CHMP2B: variants seen among roughly 807,000 people sequenced by gnomAD.
The protein encoded by CHMP2B is charged multivesicular body protein 2B.
CHMP2B carries 22 observed loss-of-function variants against 29.8 expected under a neutral mutation model. The ratio of observed to expected loss-of-function variants is 0.74; its 90% CI spans 0.53 to 1.05. CHMP2B has a LOEUF of 1.05. Ranked by LOEUF, CHMP2B falls within the 50% of genes least tolerant of loss-of-function variation. The pLI, the probability that CHMP2B is intolerant of heterozygous loss-of-function variation, is 0.00. For missense variants in CHMP2B, 261 were observed against 252.2 expected, an observed-to-expected ratio of 1.03 and a Z score of -0.24; for synonymous variants, 78 against 75.8, an observed-to-expected ratio of 1.03 and a Z score of -0.15.
intron 1 of CHMP2B, among the ~76,000 whole-genome samples, chr3:87,240,058 G>GGTGT (rs558691038): frequency 2.0e-5 from 3 of 150,088 alleles, no homozygotes; most frequent in Non-Finnish European, 4.5e-5. Flanking sequence ...ACATGAAAAG[G>GGTGT]GTGTGTGTGT....
chr3:87,227,501 C>T lies in CHMP2B; in HGVS notation c.-22C>T, dbSNP rs1226618188. ...TGGGCCGGACCGGGCCGAGCCGGGC[C>T]GCCCGGGCGCAGTCTTTAACCATGG... On this transcript the variant is annotated 5_prime_UTR_variant, in exon 1 of 6. Transcript: ENST00000263780. The T allele has an allele frequency of 1.2e-6, 2 of 1,613,998 alleles. No homozygotes were observed. The highest frequency in any genetic ancestry group is 1.7e-6 in the Non-Finnish European group (2 of 1,179,998).
rs953203889 is a variant in CHMP2B at position 87,227,515 on chromosome 3, C to T, written c.-8C>T. ...CCGAGCCGGGCCGCCCGGGCGCAGT[C>T]TTTAACCATGGCGTCCCTCTTCAAG... On this transcript the variant is annotated 5_prime_UTR_variant, in exon 1 of 6. Transcript: ENST00000263780. 1.2e-6 allele frequency: 2 copies of T among 1,614,076 alleles called. No homozygotes were observed. The highest frequency in any genetic ancestry group is 2.7e-5 in the African/African-American group (2 of 74,952).
chr3:87,240,675 A>G, intron 1 of CHMP2B, 24 bp from the exon 2 acceptor site: 1 of 1,477,178 alleles, frequency 6.8e-7, no homozygotes, highest in Non-Finnish European at 9.5e-7. Flanking sequence ...CCATAAATTT[A>G]GGTTTCTTTT....
intron 2 of CHMP2B, among the ~76,000 whole-genome samples, chr3:87,243,757 T>G (rs899528176): frequency 1.1e-4 from 17 of 152,250 alleles, no homozygotes; most frequent in African/African-American, 3.6e-4. Flanking sequence ...TACTAAATTT[T>G]AAAATATACT....
At chr3:87,245,976 A>G in intron 3 of CHMP2B, 68 bp downstream of exon 3, 2 of 1,368,948 alleles carry the variant, frequency 1.5e-6, no homozygotes, top group South Asian at 2.5e-5. Context: ...CAATATTGAA[A>G]GCAGATTTAA....
At chr3:87,245,494 C>G (rs1706194585) in intron 2 of CHMP2B, among the ~76,000 whole-genome samples, 1 of 147,974 alleles carries the variant, frequency 6.8e-6, no homozygotes, top group Non-Finnish European at 1.5e-5. Context: ...GCTTTGTATT[C>G]ATGGATGGAG....
chr3:87,232,062 AG>A (rs1483904440), intron 1 of CHMP2B, among the ~76,000 whole-genome samples: 28 of 152,204 alleles, frequency 1.8e-4, no homozygotes, highest in African/African-American at 6.0e-4. Context: ...TACTAACCAA[AG>A]TAGTATTCCA....
At chr3:87,235,290 A>C (rs1438402916) in intron 1 of CHMP2B, among the ~76,000 whole-genome samples, 1 of 152,220 alleles carries the variant, frequency 6.6e-6, no homozygotes, top group Admixed American at 6.5e-5. Flanking sequence ...TAGAAGACCA[A>C]ATTATTAAAT....
chr3:87,235,716 A>G (rs956239986), intron 1 of CHMP2B, among the ~76,000 whole-genome samples: 5 of 152,180 alleles, frequency 3.3e-5, no homozygotes, highest in African/African-American at 1.2e-4. Flanking sequence ...TCTGATTCTC[A>G]GACACCTATT....
At chr3:87,247,111 A>G (rs1195971732) in intron 3 of CHMP2B, among the ~76,000 whole-genome samples, 2 of 152,196 alleles carry the variant, frequency 1.3e-5, no homozygotes, top group East Asian at 1.9e-4. Flanking sequence ...CATAGTAGTT[A>G]TGTCCCATGA....
intron 1 of CHMP2B, among the ~76,000 whole-genome samples, chr3:87,236,799 G>A (rs1025108488): frequency 6.6e-5 from 10 of 151,910 alleles, no homozygotes; most frequent in Admixed American, 1.3e-4. Context: ...GAGGCGAACC[G>A]AGATCATGCT....
intron 1 of CHMP2B, among the ~76,000 whole-genome samples, chr3:87,230,784 C>T (rs1705894870): frequency 6.6e-6 from 1 of 152,136 alleles, no homozygotes; most frequent in Admixed American, 6.5e-5. Flanking sequence ...CCTTGCATGG[C>T]ATGCAATGAG....
chr3:87,229,139 A>G (rs3828364), intron 1 of CHMP2B, among the ~76,000 whole-genome samples: 87,801 of 151,836 alleles, frequency 0.58, 25,579 homozygotes, highest in African/African-American at 0.63. Context: ...ATACCTGTCA[A>G]ATATTTTCAA....
chr3:87,245,855 A>G lies in CHMP2B; in HGVS notation c.268A>G (p.Lys90Glu), dbSNP rs1706202120. ...AGTTACTTCTATGTCTACACAAACA[A>G]AAGTGATGAATTCCCAAATGAAGAT... ...SKVTSMSTQT[K>E]VMNSQMKMAG... Residue 90 changes from lysine (K) to glutamate (E), a missense_variant, in exon 3 of 6, where the codon AAA becomes GAA. By Grantham distance (56) the Lys-to-Glu change is moderately conservative (BLOSUM62 1). Transcript: ENST00000263780. 6.8e-6 allele frequency: 11 copies of G among 1,613,490 alleles called. No individual in the cohort carries two copies. The South Asian group carries it at 8.8e-5, about 13-fold the overall frequency.
At chr3:87,250,270 G>C (rs949372484) in intron 4 of CHMP2B, among the ~76,000 whole-genome samples, 14 of 151,980 alleles carry the variant, frequency 9.2e-5, no homozygotes, top group Non-Finnish European at 4.4e-5. Flanking sequence ...TCAACTCTTT[G>C]ATACTGTAGA....
chr3:87,253,432 C>A lies in CHMP2B; in HGVS notation c.453C>A (p.Asp151Glu), dbSNP rs767746876. The A allele has an allele frequency of 2.5e-6, 4 of 1,610,144 alleles. No homozygotes were observed. The East Asian group carries it at 6.7e-5, about 27-fold the overall frequency. The change falls in exon 5 of 6, where the codon GAC becomes GAA. Residue 151 changes from aspartate (D) to glutamate (E), a missense_variant. Transcript: ENST00000263780. ...MINDTLDDIF[D>E]GSDDEEESQD... ...ATGATACACTTGATGACATCTTTGACGGTTCTGATGACGAAGAAGAAAGCC... is the reference window on the plus strand; with the variant it reads ...ATGATACACTTGATGACATCTTTGAAGGTTCTGATGACGAAGAAGAAAGCC...
At position 87,253,725 on chromosome 3, in the gene CHMP2B, C is replaced by T. The variant is rs369257752; in HGVS notation, c.545C>T (p.Pro182Leu). 18 of 1,612,228 alleles carry T rather than the reference C, an allele frequency of 1.1e-5. No individual in the cohort carries two copies. The highest frequency in any genetic ancestry group is 1.4e-5 in the Non-Finnish European group (16 of 1,178,742). ...IEISGKMAKA[P>L]SAARSLPSAS... Reference sequence around the variant, plus strand: ...TGTTTAATATAGATGGCCAAAGCTCCATCAGCTGCTCGAAGCTTACCATCT... The same window carrying T: ...TGTTTAATATAGATGGCCAAAGCTCTATCAGCTGCTCGAAGCTTACCATCT... The change falls in exon 6 of 6, where the codon CCA (proline) becomes CTA (leucine). Residue 182 changes from proline to leucine, a missense_variant. Physicochemically the swap from Pro to Leu is moderately conservative, Grantham distance 98. Coordinates refer to ENST00000263780, the MANE Select transcript of CHMP2B (RefSeq NM_014043.4).
chr3:87,249,937 C>T lies in CHMP2B; in HGVS notation c.384C>T (p.Phe128=). 6.2e-7 allele frequency: 1 copy of T among 1,602,764 alleles called. No individual in the cohort carries two copies. The highest frequency in any genetic ancestry group is 8.5e-7 in the Non-Finnish European group (1 of 1,172,512). ...AGACATTACAAACAATGCAGAATTT[C>T]CAGAAGGAAAACATGAAAATGGAAA... is the stretch of plus-strand genomic sequence containing the variant. ...PQKTLQTMQN[F]QKENMKMEMT... is the part of the protein sequence containing the mutation. Residue 128 remains phenylalanine (F), a synonymous_variant, in exon 4 of 6, where the codon TTC becomes TTT. Transcript: ENST00000263780.
chr3:87,252,301 T>G (rs1352737881), intron 4 of CHMP2B, among the ~76,000 whole-genome samples: 2 of 151,930 alleles, frequency 1.3e-5, no homozygotes, highest in Non-Finnish European at 2.9e-5. Context: ...CACACTAGGT[T>G]ACCTGTCTTT....
Sources: gnomAD v4.1 joint callset for allele counts (sites outside exome capture counted in the v4.1 genomes callset) on GRCh38, gnomAD v4.1.1 for gene constraint, MANE v1.5 for transcripts, NCBI Gene and HGNC (gene_info 2026-07-23, HGNC 2026-07-21) for gene names.